The following UHRF2 variants were observed in gnomAD, a reference collection of about 807,000 sequenced individuals.
UHRF2 encodes ubiquitin like with PHD and ring finger domains 2.
UHRF2 carries 23 observed loss-of-function variants against 96.8 expected under a neutral mutation model. The ratio of observed to expected loss-of-function variants is 0.24; its 90% CI spans 0.17 to 0.34. The LOEUF is 0.34. Ranked by LOEUF, UHRF2 falls within the 10% of genes least tolerant of loss-of-function variation. The probability of loss-of-function intolerance (pLI) is 1.00; values close to 1 mark genes in which losing one functional copy is unlikely to be tolerated. For missense variants in UHRF2, 685 were observed against 981.5 expected (o/e 0.70, Z 4.04); for synonymous variants, 385 against 332.6 (o/e 1.16, Z -1.72).
chr9:6,426,887 T>C (rs529155836), intron 2 of UHRF2, among the ~76,000 whole-genome samples: 20 of 152,270 alleles, frequency 1.3e-4, no homozygotes, highest in Admixed American at 3.3e-4. Context: ...TAGTTGGGAT[T>C]ACAGGCACCC....
intron 2 of UHRF2, among the ~76,000 whole-genome samples, chr9:6,431,493 G>C (rs1458489784): frequency 6.6e-6 from 1 of 152,034 alleles, no homozygotes; most frequent in East Asian, 1.9e-4. Context: ...AGTCCTAGCT[G>C]CTCAGGAGTT....
intron 2 of UHRF2, chr9:6,422,723 C>G: frequency 1.9e-6 from 1 of 525,312 alleles, no homozygotes; most frequent in Non-Finnish European, 3.5e-6. Context: ...GATCTTCCTG[C>G]TCGGCCTCCC....
chr9:6,423,675 G>C (rs540317375), intron 2 of UHRF2, among the ~76,000 whole-genome samples: 34 of 150,502 alleles, frequency 2.3e-4, no homozygotes, highest in African/African-American at 8.3e-4. Flanking sequence ...GCCGGGCGTG[G>C]TGGCTCACAC....
chr9:6,454,520 G>T (rs1031433369), intron 3 of UHRF2, among the ~76,000 whole-genome samples: 4 of 152,106 alleles, frequency 2.6e-5, no homozygotes, highest in African/African-American at 9.7e-5. Context: ...TCAGAACTAC[G>T]TGAACACAGA....
chr9:6,452,981 GT>G (rs773494150), intron 3 of UHRF2, among the ~76,000 whole-genome samples: 2 of 152,004 alleles, frequency 1.3e-5, no homozygotes, highest in African/African-American at 2.4e-5. Flanking sequence ...TTCCTTTTCT[GT>G]TTTTTTGTTT....
At chr9:6,463,710 A>G (rs998566577) in intron 4 of UHRF2, among the ~76,000 whole-genome samples, 6 of 152,152 alleles carry the variant, frequency 3.9e-5, no homozygotes, top group Non-Finnish European at 5.9e-5. Context: ...AGCTCAGGCT[A>G]TCTGCCTGCC....
rs192655415 is a variant in UHRF2, at chr9:6,431,700, G to A, written c.385-2214G>A. Among the ~76,000 whole-genome samples, 3 of 152,284 alleles carry A rather than the reference G, an allele frequency of 2.0e-5. No individual in the cohort carries two copies. In the East Asian group the frequency reaches 5.8e-4, roughly 29 times the overall value. ...GTTCAAGCAATGGCAGTATTTTGAG[G>A]TTGATTTAGGTGTCTGTTAACTTTA... On this transcript the variant is annotated intron_variant, in intron 2 of 15. Transcript: ENST00000276893.
At chr9:6,458,911 T>A (rs749834405) in intron 3 of UHRF2, among the ~76,000 whole-genome samples, 27 of 152,210 alleles carry the variant, frequency 1.8e-4, no homozygotes, top group Non-Finnish European at 3.5e-4. Context: ...GTTCCTGTCC[T>A]TTGCAGGGAC....
intron 4 of UHRF2, among the ~76,000 whole-genome samples, chr9:6,471,732 A>T (rs1222989519): frequency 6.6e-6 from 1 of 152,190 alleles, no homozygotes; most frequent in Non-Finnish European, 1.5e-5. Context: ...CATATGAGTA[A>T]GTACAAGCAG....
chr9:6,418,374 T>G (rs1008348547), intron 1 of UHRF2, among the ~76,000 whole-genome samples: 7 of 152,012 alleles, frequency 4.6e-5, no homozygotes, highest in Middle Eastern at 3.2e-3. Context: ...GTAAGCATGG[T>G]AACTTGTGAG....
Position 6,480,935 on chromosome 9 carries a change from TG to T in UHRF2, c.1161-705del, listed in dbSNP as rs537894396. ...ATAGATAATTGTGAAATAGAAAGTATGGGCAAAGAAATTTAAGATTAATTGG... is the reference window on the plus strand; with the variant it reads ...ATAGATAATTGTGAAATAGAAAGTATGGCAAAGAAATTTAAGATTAATTGG... On this transcript the variant is annotated intron_variant, in intron 6 of 15. Transcript: ENST00000276893. 5.5e-3 allele frequency among the ~76,000 whole-genome samples: 831 copies of T among 152,298 alleles called. 3 individuals are homozygous for T. The highest frequency in any genetic ancestry group is 0.019 in the African/African-American group (771 of 41,572).
At chr9:6,445,745 G>A (rs1482183795) in intron 3 of UHRF2, among the ~76,000 whole-genome samples, 1 of 151,928 alleles carries the variant, frequency 6.6e-6, no homozygotes, top group Non-Finnish European at 1.5e-5. Context: ...TTTTCTTTTT[G>A]TAGAGACAGG....
At chr9:6,450,078 A>G (rs943748330) in intron 3 of UHRF2, among the ~76,000 whole-genome samples, 1 of 152,180 alleles carries the variant, frequency 6.6e-6, no homozygotes, top group African/African-American at 2.4e-5. Context: ...GAGTTCTGCT[A>G]CATCATTGAA....
chr9:6,448,014 C>A (rs909183664), intron 3 of UHRF2, among the ~76,000 whole-genome samples: 3 of 152,160 alleles, frequency 2.0e-5, no homozygotes, highest in Non-Finnish European at 4.4e-5. Context: ...AAGACATGCT[C>A]TCCAGGAAAT....
intron 3 of UHRF2, among the ~76,000 whole-genome samples, chr9:6,444,868 C>G (rs556578365): frequency 6.6e-6 from 1 of 152,280 alleles, no homozygotes; most frequent in African/African-American, 2.4e-5. Context: ...TCCCAAAGTG[C>G]TGGGATTACA....
At chr9:6,463,367 A>G (rs1473434387) in intron 4 of UHRF2, among the ~76,000 whole-genome samples, 1 of 152,212 alleles carries the variant, frequency 6.6e-6, no homozygotes, top group East Asian at 1.9e-4. Flanking sequence ...AGCTATCCCA[A>G]CAGTACAATA....
At chr9:6,488,534 T>C (rs1180077748) in intron 9 of UHRF2, among the ~76,000 whole-genome samples, 3 of 141,010 alleles carry the variant, frequency 2.1e-5, no homozygotes, top group Non-Finnish European at 4.6e-5. Flanking sequence ...TTTCTCTTTT[T>C]CTTTTCTTTT....
chr9:6,475,541 A>G (rs778452015), intron 5 of UHRF2, 41 bp downstream of exon 5: 6 of 1,182,646 alleles, frequency 5.1e-6, no homozygotes, highest in Non-Finnish European at 7.1e-6. Context: ...CATGTGTTGT[A>G]CATGATTGAA....
chr9:6,432,268 T>A (rs567901872), intron 2 of UHRF2, among the ~76,000 whole-genome samples: 7 of 152,360 alleles, frequency 4.6e-5, no homozygotes, highest in Non-Finnish European at 1.0e-4. Context: ...GTTCATTACA[T>A]ACAGTGCCTT....
Sources: allele counts gnomAD v4.1 joint callset (sites outside exome capture counted in the v4.1 genomes callset), GRCh38; gene constraint gnomAD v4.1.1; transcripts MANE v1.5; gene names NCBI Gene and HGNC (gene_info 2026-07-23, HGNC 2026-07-21).